MLYCD: variants seen among roughly 807,000 people sequenced by gnomAD.
MLYCD encodes malonyl-CoA decarboxylase, mitochondrial.
Under a neutral mutation model 35.8 loss-of-function variants are expected in MLYCD, and 27 were observed. The observed-to-expected ratio is 0.75, with a 90% CI of 0.56 to 1.04. The LOEUF is 1.04. Among genes scored for constraint, MLYCD ranks in the 50% least tolerant of loss-of-function variants. MLYCD has a pLI of 0.00. For synonymous variants in MLYCD, 403 were observed against 302.4 expected, an observed-to-expected ratio of 1.33 and a Z score of -3.45; for missense variants, 917 against 665.1, an observed-to-expected ratio of 1.38 and a Z score of -4.17.
rs1906996010 is a variant in MLYCD at position 83,906,888 on chromosome 16, T to A, written c.529-99T>A. On this transcript the variant is annotated intron_variant, in intron 1 of 4. Coordinates refer to ENST00000262430, the MANE Select transcript of MLYCD (RefSeq NM_012213.3). ...TTGTCTTGCACAATTGTCTTATGTA[T>A]CGTGCTTGAGTGTTTTCATTCCTTG... The A allele has an allele frequency of 1.0e-5, 10 of 983,416 alleles. No homozygotes were observed. In the South Asian group the frequency reaches 1.2e-4, roughly 11 times the overall value. The allele number at this position is 983,416 out of a possible 1,614,324, so 60.9% of individuals were successfully genotyped here.
chr16:83,905,740 T>A (rs907357986), intron 1 of MLYCD, among the ~76,000 whole-genome samples: 8 of 152,232 alleles, frequency 5.3e-5, no homozygotes, highest in Non-Finnish European at 1.2e-4. Context: ...CTCTGTCACA[T>A]GGCTGCCCCC....
At chr16:83,913,252 T>C (rs1907243933) in intron 4 of MLYCD, 1 of 152,190 alleles carries the variant, frequency 6.6e-6, no homozygotes, top group African/African-American at 2.4e-5. Context: ...CCGCCATGTT[T>C]CCCCCGGGTA....
intron 3 of MLYCD, among the ~76,000 whole-genome samples, chr16:83,909,508 T>G (rs1907096504): frequency 6.6e-6 from 1 of 152,210 alleles, no homozygotes; most frequent in African/African-American, 2.4e-5. Context: ...GGTGTGGTCT[T>G]ATGAATAATA....
chr16:83,908,343 G>GTT, intron 3 of MLYCD, 61 bp downstream of exon 3: 1 of 1,508,618 alleles, frequency 6.6e-7, no homozygotes. Flanking sequence ...TGTGTTTTTT[G>GTT]TTTTGTTTTG....
At chr16:83,901,416 A>G (rs940067941) in intron 1 of MLYCD, among the ~76,000 whole-genome samples, 2 of 152,234 alleles carry the variant, frequency 1.3e-5, no homozygotes, top group Non-Finnish European at 2.9e-5. Flanking sequence ...CATAAGACAC[A>G]CTTGACACAC....
At chr16:83,912,607 G>A (rs1567635840) in intron 4 of MLYCD, 7 of 559,340 alleles carry the variant, frequency 1.3e-5, no homozygotes, top group African/African-American at 1.9e-5. Flanking sequence ...ACTGCAAGAC[G>A]CAGTTGTATT....
In MLYCD at chr16:83,926,657, C is replaced by T. The variant is rs1301781008; in HGVS notation, c.*11168C>T. ...TGAATGTTGATATTAGTGGTCCCTT[C>T]CTTCAGGGGCTGTGGGGATCTCAAA... is the stretch of plus-strand genomic sequence containing the variant. On this transcript the variant is annotated 3_prime_UTR_variant, in exon 5 of 5. Transcript: ENST00000262430. 6.6e-6 allele frequency: 1 copy of T among 152,276 alleles called. No individual in the cohort carries two copies. The highest frequency in any genetic ancestry group is 1.5e-5 in the Non-Finnish European group (1 of 68,084). 9.4% of individuals were successfully genotyped at this position (152,276 alleles called of 1,614,324 possible).
intron 3 of MLYCD, chr16:83,911,898 T>C: frequency 5.3e-6 from 2 of 376,328 alleles, no homozygotes; most frequent in Non-Finnish European, 1.0e-5. Context: ...GGAGAGTTTA[T>C]GGAGCAAGTT....
intron 3 of MLYCD, among the ~76,000 whole-genome samples, chr16:83,908,765 C>T (rs76369073): frequency 0.073 from 11,057 of 152,180 alleles, 484 homozygotes; most frequent in East Asian, 0.11. Context: ...TTGATAGCCC[C>T]GTCTGTGGCA....
At position 83,924,950 on chromosome 16, in the gene MLYCD, C is replaced by T. The variant is rs1354288810; in HGVS notation, c.*9461C>T. ...GCCACTCTTAGTCAGCCATTCCTCTCGGCTTCCGGGAGTCCCCTCCTTCTC... is the reference window on the plus strand; with the variant it reads ...GCCACTCTTAGTCAGCCATTCCTCTTGGCTTCCGGGAGTCCCCTCCTTCTC... On this transcript the variant is annotated 3_prime_UTR_variant, in exon 5 of 5. Coordinates refer to ENST00000262430, the MANE Select transcript of MLYCD (RefSeq NM_012213.3). 6 of 152,352 alleles carry T rather than the reference C, an allele frequency of 3.9e-5. No individual in the cohort carries two copies. The highest frequency in any genetic ancestry group is 5.9e-5 in the Non-Finnish European group (4 of 68,130). The allele number at this position is 152,352 out of a possible 1,614,324, so 9.4% of individuals were successfully genotyped here.
At chr16:83,914,288 C>T (rs960325899) in intron 4 of MLYCD, 1 of 161,022 alleles carries the variant, frequency 6.2e-6, no homozygotes, top group South Asian at 1.7e-4. Flanking sequence ...CCCTCCTCGC[C>T]CTCTACCCCG....
intron 1 of MLYCD, among the ~76,000 whole-genome samples, chr16:83,900,499 C>T (rs941718776): frequency 2.0e-5 from 3 of 151,668 alleles, no homozygotes; most frequent in African/African-American, 7.3e-5. Context: ...ACTGCAGCCT[C>T]GACTTCCCCA....
At chr16:83,904,932 C>G (rs1173023175) in intron 1 of MLYCD, among the ~76,000 whole-genome samples, 2 of 152,314 alleles carry the variant, frequency 1.3e-5, no homozygotes, top group African/African-American at 4.8e-5. Context: ...CATGGGGTCA[C>G]ACAGAACAAA....
Position 83,925,974 on chromosome 16 carries a change from C to G in MLYCD, c.*10485C>G, listed in dbSNP as rs1383025061. ...ACTAGACGCTCTCTGAGGGCAGGGA[C>G]CCTGCTTCGCTTCTGGCCCGAGGTG... is the stretch of plus-strand genomic sequence containing the variant. On this transcript the variant is annotated 3_prime_UTR_variant, in exon 5 of 5. Transcript: ENST00000262430. 6.6e-6 allele frequency: 1 copy of G among 152,318 alleles called. No homozygotes were observed. Among genetic ancestry groups the G allele is most frequent in the Non-Finnish European group, 1.5e-5 (1 of 68,088 alleles). The allele number at this position is 152,318 out of a possible 1,614,324, so 9.4% of individuals were successfully genotyped here.
rs1375262400 is a variant in MLYCD at position 83,923,427 on chromosome 16, G to A, written c.*7938G>A. The A allele has an allele frequency of 1.3e-5, 2 of 152,216 alleles. No homozygotes were observed. Among genetic ancestry groups the A allele is most frequent in the Non-Finnish European group, 2.9e-5 (2 of 68,038 alleles). The allele number at this position is 152,216 out of a possible 1,614,324, so 9.4% of individuals were successfully genotyped here. On this transcript the variant is annotated 3_prime_UTR_variant, in exon 5 of 5. Transcript: ENST00000262430. Reference sequence around the variant, plus strand: ...GAAAGTCTGCCTCATTTGCAGTTTAGCGGACTCACAGAGGTGACCCTAGAT... The same window carrying A: ...GAAAGTCTGCCTCATTTGCAGTTTAACGGACTCACAGAGGTGACCCTAGAT...
chr16:83,910,690 CA>C (rs113252752), intron 3 of MLYCD, among the ~76,000 whole-genome samples: 18,145 of 93,246 alleles, frequency 0.19, 1,795 homozygotes, highest in African/African-American at 0.35. Context: ...GACTCCATCT[CA>C]AAAAAAAAAA....
In MLYCD at chr16:83,926,455, T is replaced by C. The variant is rs72791546; in HGVS notation, c.*10966T>C. The C allele has an allele frequency of 0.091, 13,867 of 152,248 alleles. 713 individuals carry two copies. Among genetic ancestry groups the C allele is most frequent in the Non-Finnish European group, 0.12 (8,276 of 68,016 alleles). 9.4% of individuals were successfully genotyped at this position (152,248 alleles called of 1,614,324 possible). On this transcript the variant is annotated 3_prime_UTR_variant, in exon 5 of 5. Transcript: ENST00000262430. The stretch of plus-strand genomic sequence containing the variant: ...ATTCTCACACTGCTGCCGTGACACC[T>C]AATCCATCCGGGGAAGTTCCCTTTA...
At chr16:83,901,299 C>T (rs932736760) in intron 1 of MLYCD, among the ~76,000 whole-genome samples, 3 of 152,132 alleles carry the variant, frequency 2.0e-5, no homozygotes, top group Non-Finnish European at 4.4e-5. Context: ...GTATATCATC[C>T]CCCCATGTAA....
In MLYCD at chr16:83,917,248, TGTGCCCGAGCGTCTCTGTGTGGATCA is replaced by T. The variant is rs1907448774; in HGVS notation, c.*1764_*1789del. The T allele has an allele frequency of 1.4e-5, 2 of 142,996 alleles. No individual in the cohort carries two copies. The highest frequency in any genetic ancestry group is 5.9e-5 in the African/African-American group (2 of 33,890). The allele number at this position is 142,996 out of a possible 1,614,324, so 8.9% of individuals were successfully genotyped here. ...GTGGATCAGTGCACGTCTGTGTGCGTGTGCCCGAGCGTCTCTGTGTGGATCAGTGCACGTCTGTGTGCGTGTGCACA... is the reference window on the plus strand; with the variant it reads ...GTGGATCAGTGCACGTCTGTGTGCGTGTGCACGTCTGTGTGCGTGTGCACA... On this transcript the variant is annotated 3_prime_UTR_variant, in exon 5 of 5. Coordinates refer to ENST00000262430, the MANE Select transcript of MLYCD (RefSeq NM_012213.3).
Sources: allele counts gnomAD v4.1 joint callset (sites outside exome capture counted in the v4.1 genomes callset), GRCh38; gene constraint gnomAD v4.1.1; transcripts MANE v1.5; gene names NCBI Gene and HGNC (gene_info 2026-07-23, HGNC 2026-07-21).